EIF4G3: variants seen among roughly 807,000 people sequenced by gnomAD.
The protein encoded by EIF4G3 is eukaryotic translation initiation factor 4 gamma 3.
EIF4G3 carries 34 observed loss-of-function variants against 186.4 expected under a neutral mutation model. The ratio of observed to expected loss-of-function variants is 0.18; its 90% confidence interval spans 0.14 to 0.24. EIF4G3 has a LOEUF of 0.24. Among genes scored for constraint, EIF4G3 ranks in the 10% least tolerant of loss-of-function variants. The pLI is 1.00. For missense variants in EIF4G3, 1,536 were observed against 1,948.5 expected (o/e 0.79, Z 3.99); for synonymous variants, 673 against 679.5 (o/e 0.99, Z 0.15).
intron 14 of EIF4G3, among the ~76,000 whole-genome samples, chr1:20,939,317 T>TA (rs1406319200): frequency 6.6e-6 from 1 of 151,994 alleles, no homozygotes; most frequent in African/African-American, 2.4e-5. Context: ...TCCAAGTCAT[T>TA]AAAAAAACAG....
Position 21,029,143 on chromosome 1 carries a change from G to A in EIF4G3, c.-67+21723C>T, listed in dbSNP as rs139191583. On this transcript the variant is annotated intron_variant, in intron 4 of 36. Transcript: ENST00000602326. ...AGCGATTCTCATGCCTCAGCCTCCC[G>A]AGTAGCTGAAACCACAGGTGCACAC... Among the ~76,000 whole-genome samples, 538 of 152,048 alleles carry A rather than the reference G, an allele frequency of 3.5e-3. 1 individual carries two copies. Among genetic ancestry groups the A allele is most frequent in the African/African-American group, 0.013 (519 of 41,468 alleles).
chr1:21,009,636 T>G (rs1390875287), intron 4 of EIF4G3, among the ~76,000 whole-genome samples: 1 of 150,962 alleles, frequency 6.6e-6, no homozygotes, highest in Non-Finnish European at 1.5e-5. Flanking sequence ...AACTGTCTTC[T>G]TCTTCTTTTT....
intron 24 of EIF4G3, among the ~76,000 whole-genome samples, chr1:20,858,281 G>C (rs1238846893): frequency 6.6e-6 from 1 of 152,096 alleles, no homozygotes; most frequent in Non-Finnish European, 1.5e-5. Context: ...CTGCCTCTAA[G>C]TCCCCATCTT....
At chr1:21,048,226 G>A (rs1451135112) in intron 4 of EIF4G3, among the ~76,000 whole-genome samples, 2 of 152,138 alleles carry the variant, frequency 1.3e-5, no homozygotes, top group Non-Finnish European at 1.5e-5. Context: ...TGGGCCAACT[G>A]CTTGGGTCAA....
chr1:20,850,105 ATTCC>A (rs1272994196), intron 28 of EIF4G3, among the ~76,000 whole-genome samples: 1 of 152,146 alleles, frequency 6.6e-6, no homozygotes, highest in African/African-American at 2.4e-5. Flanking sequence ...TTAGAACTAA[ATTCC>A]TTCCTTCATA....
At chr1:21,130,541 T>C (rs1230439185) in intron 2 of EIF4G3, among the ~76,000 whole-genome samples, 1 of 152,114 alleles carries the variant, frequency 6.6e-6, no homozygotes, top group South Asian at 2.1e-4. Context: ...GCACCCAATA[T>C]CTCACGGTAA....
intron 4 of EIF4G3, among the ~76,000 whole-genome samples, chr1:21,039,117 G>T (rs756258836): frequency 3.3e-5 from 5 of 152,258 alleles, no homozygotes; most frequent in East Asian, 1.9e-4. Context: ...GCAATGAAAA[G>T]AAAAGAGCCC....
rs1016137887 is a variant in EIF4G3 at position 20,849,319 on chromosome 1, T to C, written c.3888+96A>G. On this transcript the variant is annotated intron_variant, in intron 29 of 36. Coordinates refer to ENST00000602326, the MANE Select transcript of EIF4G3 (RefSeq NM_001391906.1). ...CTTGTATTACTCAACCTAAGTCTTA[T>C]CAGTTCACAATGACACCTGATTTAG... 289 of 583,538 alleles carry C rather than the reference T, an allele frequency of 5.0e-4. 3 individuals carry two copies. Among genetic ancestry groups the C allele is most frequent in the Admixed American group, 2.3e-4 (6 of 26,026 alleles). The allele number at this position is 583,538 out of a possible 1,614,324, so 36.1% of individuals were successfully genotyped here. A position where few individuals can be genotyped will look rare whatever the true frequency, so the allele number is the denominator to read the frequency against.
intron 3 of EIF4G3, among the ~76,000 whole-genome samples, chr1:21,060,501 C>T (rs894226056): frequency 3.3e-5 from 5 of 152,152 alleles, no homozygotes; most frequent in African/African-American, 1.2e-4. Flanking sequence ...TGACTGGGAA[C>T]CTACTGGAAG....
intron 2 of EIF4G3, among the ~76,000 whole-genome samples, chr1:21,096,714 T>C (rs2096381194): frequency 6.6e-6 from 1 of 152,224 alleles, no homozygotes; most frequent in South Asian, 2.1e-4. Context: ...TTTAAAAAGC[T>C]ATCTTTTAAA....
At chr1:21,013,255 T>C (rs925261340) in intron 4 of EIF4G3, among the ~76,000 whole-genome samples, 1 of 152,008 alleles carries the variant, frequency 6.6e-6, no homozygotes, top group Non-Finnish European at 1.5e-5. Flanking sequence ...AAATGCCCCA[T>C]CGAGAAAAAG....
intron 4 of EIF4G3, among the ~76,000 whole-genome samples, chr1:21,009,016 G>C (rs1050617092): frequency 6.6e-6 from 1 of 152,136 alleles, no homozygotes; most frequent in Non-Finnish European, 1.5e-5. Flanking sequence ...TATCATCTTA[G>C]AGCTGGTAAA....
At chr1:20,852,837 G>T (rs1244541842) in intron 27 of EIF4G3, among the ~76,000 whole-genome samples, 1 of 151,998 alleles carries the variant, frequency 6.6e-6, no homozygotes, top group Non-Finnish European at 1.5e-5. Context: ...GAAGTCAAGG[G>T]AATAAGAACA....
At chr1:20,844,335 G>T (rs566485467) in intron 29 of EIF4G3, among the ~76,000 whole-genome samples, 1 of 152,114 alleles carries the variant, frequency 6.6e-6, no homozygotes, top group African/African-American at 2.4e-5. Flanking sequence ...TTTAATAATA[G>T]TCATTCTGAC....
At chr1:21,014,313 TA>T (rs1435124738) in intron 4 of EIF4G3, among the ~76,000 whole-genome samples, 1 of 152,244 alleles carries the variant, frequency 6.6e-6, no homozygotes, top group Non-Finnish European at 1.5e-5. Context: ...ATTTGGTTTT[TA>T]TTTCTTTTTA....
chr1:20,967,966 A>AT (rs1333070976), intron 12 of EIF4G3, among the ~76,000 whole-genome samples: 2 of 151,802 alleles, frequency 1.3e-5, no homozygotes, highest in Non-Finnish European at 2.9e-5. Flanking sequence ...ACTTTAGACA[A>AT]TTTTTTTTAA....
At chr1:20,929,549 G>C (rs2095179194) in intron 14 of EIF4G3, 1 of 152,132 alleles carries the variant, frequency 6.6e-6, no homozygotes, top group South Asian at 2.1e-4. Flanking sequence ...ACTCTTCTGT[G>C]TATTAGCAGA....
Position 20,941,557 on chromosome 1 carries a change from C to T in EIF4G3, c.1597G>A (p.Ala533Thr), listed in dbSNP as rs146540947. The T allele has an allele frequency of 6.6e-5, 107 of 1,613,792 alleles. No homozygotes were observed. Among genetic ancestry groups the T allele is most frequent in the Non-Finnish European group, 8.4e-5 (99 of 1,179,934 alleles). Residue 533 changes from alanine (A) to threonine (T), a missense_variant, in exon 14 of 37, where the codon GCA becomes ACA. Ala to Thr is a moderately conservative substitution (Grantham distance 58). Transcript: ENST00000602326. ...AAAATCTCTTCTGTTTGCCCATCTG[C>T]TTCTACCTCTATTTTGTTCTGAATC... ...KEIQNKIEVE[A>T]DGQTEEILDS...
At chr1:20,826,071 G>A (rs1263807644) in intron 32 of EIF4G3, among the ~76,000 whole-genome samples, 1 of 152,210 alleles carries the variant, frequency 6.6e-6, no homozygotes, top group East Asian at 1.9e-4. Flanking sequence ...CGGCCATCTG[G>A]CTCCAAAGCT....
Sources: gnomAD v4.1 joint callset for allele counts (sites outside exome capture counted in the v4.1 genomes callset) on GRCh38, gnomAD v4.1.1 for gene constraint, MANE v1.5 for transcripts, NCBI Gene and HGNC (gene_info 2026-07-23, HGNC 2026-07-21) for gene names.